HDC: variants seen among roughly 807,000 people sequenced by gnomAD.
The protein encoded by HDC is histidine decarboxylase.
HDC carries 27 observed loss-of-function variants against 64.4 expected under a neutral mutation model. That is an observed-to-expected ratio of 0.42 (90% CI 0.31 to 0.58). The LOEUF is 0.58. Among genes scored for constraint, HDC ranks in the 20% least tolerant of loss-of-function variants. The pLI, the probability that HDC is intolerant of heterozygous loss-of-function variation, is 0.16. For missense variants in HDC, 711 were observed against 833.9 expected (o/e 0.85, Z 1.81); for synonymous variants, 305 against 314.2 (o/e 0.97, Z 0.31).
intron 4 of HDC, among the ~76,000 whole-genome samples, chr15:50,257,113 G>T (rs540800687): frequency 6.6e-6 from 1 of 152,122 alleles, no homozygotes; most frequent in South Asian, 2.1e-4. Context: ...CCCTTTTACC[G>T]TGAGATACAA....
chr15:50,261,546 C>T (rs188108352), intron 2 of HDC, among the ~76,000 whole-genome samples: 4 of 149,032 alleles, frequency 2.7e-5, no homozygotes, highest in Middle Eastern at 3.5e-3. Flanking sequence ...TTTGGAAGGC[C>T]GAGGCAGGAG....
intron 9 of HDC, among the ~76,000 whole-genome samples, chr15:50,251,194 A>G (rs2045549533): frequency 6.6e-6 from 1 of 152,252 alleles, no homozygotes; most frequent in Non-Finnish European, 1.5e-5. Context: ...AGGTCACACA[A>G]GTTAGTAAAC....
At position 50,242,188 on chromosome 15, in the gene HDC, T is replaced by C; in HGVS notation, c.*72A>G. The C allele has an allele frequency of 1.6e-6, 2 of 1,254,836 alleles. No homozygotes were observed. Among genetic ancestry groups the C allele is most frequent in the Non-Finnish European group, 2.3e-6 (2 of 855,926 alleles). 77.7% of individuals were successfully genotyped at this position (1,254,836 alleles called of 1,614,324 possible). ...TGCATGTACACATAAGCACACAAAG[T>C]TGGCATACAATTGTGAGGGGTTCAC... is the stretch of plus-strand genomic sequence containing the variant. On this transcript the variant is annotated 3_prime_UTR_variant, in exon 12 of 12. Transcript: ENST00000267845.
chr15:50,242,672 G>A lies in HDC; in HGVS notation c.1577C>T (p.Pro526Leu). ...CATGGGACCGGCTCCCACACGCTGAGGCTGCTTGATGATCTTCCTGGCCTG... is the reference window on the plus strand; with the variant it reads ...CATGGGACCGGCTCCCACACGCTGAAGCTGCTTGATGATCTTCCTGGCCTG... ...PVQARKIIKQ[P>L]QRVGAGPMKR... Residue 526 changes from proline (P) to leucine (L), a missense_variant, in exon 12 of 12, where the codon CCT (proline) becomes CTT (leucine). Pro to Leu is a moderately conservative substitution (Grantham distance 98). Coordinates refer to ENST00000267845, the MANE Select transcript of HDC (RefSeq NM_002112.4). The A allele has an allele frequency of 1.9e-6, 3 of 1,614,188 alleles. No homozygotes were observed. The highest frequency in any genetic ancestry group is 2.5e-6 in the Non-Finnish European group (3 of 1,180,032).
chr15:50,265,471 C>T, intron 1 of HDC, 122 bp downstream of exon 1: 2 of 880,046 alleles, frequency 2.3e-6, no homozygotes, highest in Non-Finnish European at 3.8e-6. Flanking sequence ...CTGGTGCCAA[C>T]TCTCAGAAGG....
intron 8 of HDC, 36 bp downstream of exon 8, chr15:50,252,576 G>T (rs371790562): frequency 2.5e-6 from 4 of 1,613,994 alleles, no homozygotes; most frequent in Non-Finnish European, 3.4e-6. Context: ...GAGGCAAGGC[G>T]TTCCTGCGTG....
At chr15:50,263,481 G>A in intron 1 of HDC, 74 bp from the exon 2 acceptor site, 1 of 1,429,608 alleles carries the variant, frequency 7.0e-7, no homozygotes, top group Non-Finnish European at 9.7e-7. Context: ...TCCCTCTCAG[G>A]TCCGGGCCAA....
intron 2 of HDC, 103 bp from the exon 3 acceptor site, chr15:50,258,620 G>A: frequency 1.4e-6 from 1 of 728,400 alleles, no homozygotes; most frequent in South Asian, 1.5e-5. Flanking sequence ...CTCTAGAGAT[G>A]GGCTGACACT....
At position 50,242,974 on chromosome 15, in the gene HDC, C is replaced by T; in HGVS notation, c.1275G>A (p.Lys425=). The T allele has an allele frequency of 6.2e-7, 1 of 1,614,064 alleles. No homozygotes were observed. Among genetic ancestry groups the T allele is most frequent in the Non-Finnish European group, 8.5e-7 (1 of 1,180,012 alleles). ...AGAGACGGCCAGCTTTAGCTATTTC[C>T]TTTAACACATTTTCTGTGAGACAAT... The part of the protein sequence containing the change: ...GPNCLTENVL[K]EIAKAGRLFL... The change falls in exon 12 of 12, where the codon AAG becomes AAA. Residue 425 remains lysine (K), a synonymous_variant. Transcript: ENST00000267845.
chr15:50,253,079 GCA>G, intron 7 of HDC: 1 of 475,770 alleles, frequency 2.1e-6, no homozygotes, highest in Non-Finnish European at 3.9e-6. Flanking sequence ...TTTCCCACCA[GCA>G]CAGAGAGCAA....
In HDC at chr15:50,241,981, G is replaced by T; in HGVS notation, c.*279C>A. ...AGGGACAAGCATAATTTATTTCTGT[G>T]TTATATATCATGTCACAAGCTGAAC... On this transcript the variant is annotated 3_prime_UTR_variant, in exon 12 of 12. Transcript: ENST00000267845. 1.8e-6 allele frequency: 1 copy of T among 541,696 alleles called. No individual in the cohort carries two copies. The highest frequency in any genetic ancestry group is 3.3e-6 in the Non-Finnish European group (1 of 302,706). The allele number at this position is 541,696 out of a possible 1,614,324, so 33.6% of individuals were successfully genotyped here.
intron 9 of HDC, 52 bp downstream of exon 9, chr15:50,252,378 A>T (rs370350223): frequency 6.9e-7 from 1 of 1,449,572 alleles, no homozygotes; most frequent in Non-Finnish European, 9.7e-7. Flanking sequence ...AGACGCCTAC[A>T]GTTCCCACTG....
chr15:50,246,284 T>G (rs773301506), intron 10 of HDC, among the ~76,000 whole-genome samples: 1 of 152,216 alleles, frequency 6.6e-6, no homozygotes, highest in African/African-American at 2.4e-5. Context: ...CACCGTCAAG[T>G]TGAAGAGATA....
At chr15:50,259,931 C>A (rs2045680799) in intron 2 of HDC, among the ~76,000 whole-genome samples, 1 of 152,184 alleles carries the variant, frequency 6.6e-6, no homozygotes, top group African/African-American at 2.4e-5. Context: ...ACCTCAGTCC[C>A]TAACCAGCTG....
chr15:50,257,087 C>T, intron 4 of HDC, among the ~76,000 whole-genome samples: 1 of 152,232 alleles, frequency 6.6e-6, no homozygotes, highest in East Asian at 1.9e-4. Context: ...AAGTCCTCTC[C>T]TTGCCTTCTC....
rs1215274893 is a variant in HDC at position 50,258,442 on chromosome 15, T to C, written c.280A>G (p.Met94Val). The C allele has an allele frequency of 2.5e-6, 4 of 1,613,616 alleles. No individual in the cohort carries two copies. In the South Asian group the frequency reaches 4.4e-5, roughly 18 times the overall value. ...LTSWPSLLGD[M>V]LADAINCLGF... is the part of the protein sequence containing the mutation. ...AAGCAGTTGATGGCATCAGCCAGCA[T>C]GTCTCCTAGCAGGGAGGGCCAAGAG... Residue 94 changes from methionine (M) to valine (V), a missense_variant, in exon 3 of 12, where the codon ATG (methionine) becomes GTG (valine). This residue lies in a region of HDC where 225 missense variants were observed against 276.2 expected (regional missense o/e 0.81). Coordinates refer to ENST00000267845, the MANE Select transcript of HDC (RefSeq NM_002112.4).
rs1426352343 is a variant in HDC at position 50,263,272 on chromosome 15, C to T, written c.167G>A (p.Ser56Asn). 1.1e-5 allele frequency: 17 copies of T among 1,614,050 alleles called. No individual in the cohort carries two copies. Among genetic ancestry groups the T allele is most frequent in the Non-Finnish European group, 1.4e-5 (16 of 1,180,038 alleles). Residue 56 changes from serine to asparagine, a missense_variant, in exon 2 of 12, where the codon AGC (serine) becomes AAC (asparagine). Transcript: ENST00000267845. ...GATTCGTTCAATGTCCCCAAAGATG[C>T]TGTCCCAGCTGTCGGGGTCCTCAGG... ...SAPEDPDSWD[S>N]IFGDIERIIM...
chr15:50,259,532 C>G (rs1230692606), intron 2 of HDC, among the ~76,000 whole-genome samples: 2 of 152,190 alleles, frequency 1.3e-5, no homozygotes, highest in African/African-American at 4.8e-5. Context: ...CTCATCTCTC[C>G]TCATCTCACT....
rs796914560 is a variant in HDC at position 50,248,649 on chromosome 15, C to T, written c.1042-306G>A. 1.9e-4 allele frequency among the ~76,000 whole-genome samples: 29 copies of T among 152,328 alleles called. No individual in the cohort carries two copies. Among genetic ancestry groups the T allele is most frequent in the African/African-American group, 7.0e-4 (29 of 41,562 alleles). Reference sequence around the variant, plus strand: ...AAGTGCTGCTTTAAACATTTCATCCCGGCCCAGAAACTCAACATAAGGGAA... The same window carrying T: ...AAGTGCTGCTTTAAACATTTCATCCTGGCCCAGAAACTCAACATAAGGGAA... On this transcript the variant is annotated intron_variant, in intron 9 of 11. Transcript: ENST00000267845. The surrounding 1 kb of genome is among the most constrained non-coding windows in gnomAD (Gnocchi z 4.3).
Sources: gnomAD v4.1 joint callset for allele counts (sites outside exome capture counted in the v4.1 genomes callset) on GRCh38, gnomAD v4.1.1 for gene constraint, gnomAD v4.1.1 regional missense constraint, Gnocchi (gnomAD v3.1) non-coding constraint, MANE v1.5 for transcripts, NCBI Gene and HGNC (gene_info 2026-07-23, HGNC 2026-07-21) for gene names.